The following PALMD variants were observed in gnomAD, a reference collection of about 807,000 sequenced individuals.
The protein encoded by PALMD is palmdelphin, also known as paralemmin-like protein.
Under a neutral mutation model 56.2 loss-of-function variants are expected in PALMD, and 42 were observed. The ratio of observed to expected loss-of-function variants is 0.75; its 90% confidence interval spans 0.58 to 0.97. The LOEUF (loss-of-function observed/expected upper bound fraction) is 0.97, where lower values mean the gene tolerates loss of function less well. PALMD is among the 50% of genes least tolerant of loss of function. The pLI, the probability that PALMD is intolerant of heterozygous loss-of-function variation, is 0.00. For missense variants in PALMD, 660 were observed against 643.8 expected (o/e 1.03, Z -0.27); for synonymous variants, 242 against 222.9 (o/e 1.09, Z -0.76).
At chr1:99,690,105 A>T in intron 7 of PALMD, 1 of 476,598 alleles carries the variant, frequency 2.1e-6, no homozygotes, top group East Asian at 3.2e-5. Flanking sequence ...GTATTGAGGA[A>T]CTTTAATAAC....
At chr1:99,652,689 GGAAAGGAAAAGAAAA>G (rs1472045135) in intron 1 of PALMD, among the ~76,000 whole-genome samples, 25 of 56,500 alleles carry the variant, frequency 4.4e-4, no homozygotes, top group Non-Finnish European at 7.2e-4. Context: ...GGAAAGGAAA[GGAAAGGAAAAGAAAA>G]GAAAAGAAAA....
chr1:99,688,118 C>T (rs4908004), intron 6 of PALMD, among the ~76,000 whole-genome samples: 31,729 of 151,876 alleles, frequency 0.21, 4,993 homozygotes, highest in African/African-American at 0.45. Context: ...TATTGCTGTA[C>T]TTTTTAGCCC....
At chr1:99,680,320 A>C (rs1333297571) in intron 3 of PALMD, among the ~76,000 whole-genome samples, 3 of 152,186 alleles carry the variant, frequency 2.0e-5, no homozygotes, top group Admixed American at 2.0e-4. Context: ...GCTTTTACCC[A>C]GGGAGCTCTT....
chr1:99,667,549 C>A, intron 2 of PALMD, 93 bp from the exon 3 acceptor site: 1 of 986,404 alleles, frequency 1.0e-6, no homozygotes, highest in Non-Finnish European at 1.6e-6. Flanking sequence ...TTTAACGTGT[C>A]ACCTATTGAA....
At position 99,694,362 on chromosome 1, in the gene PALMD, G is replaced by C. The variant is rs1488136419; in HGVS notation, c.*300G>C. ...AGAGCTTGTTAAATTTAAGAATAAAGTTATTTAAAATATTCTGAGTATAGT... is the reference window on the plus strand; with the variant it reads ...AGAGCTTGTTAAATTTAAGAATAAACTTATTTAAAATATTCTGAGTATAGT... On this transcript the variant is annotated 3_prime_UTR_variant, in exon 8 of 8. Transcript: ENST00000263174. 8.5e-6 allele frequency: 2 copies of C among 234,708 alleles called. No individual in the cohort carries two copies. Among genetic ancestry groups the C allele is most frequent in the Non-Finnish European group, 1.7e-5 (2 of 120,676 alleles). 14.5% of individuals were successfully genotyped at this position (234,708 alleles called of 1,614,324 possible).
chr1:99,693,565 T>C (rs1418692889), intron 7 of PALMD, among the ~76,000 whole-genome samples: 2 of 152,188 alleles, frequency 1.3e-5, no homozygotes, highest in Non-Finnish European at 2.9e-5. Context: ...TTATTGTATA[T>C]CCAAAGGCCA....
intron 1 of PALMD, among the ~76,000 whole-genome samples, chr1:99,648,224 AT>A (rs1340992991): frequency 6.6e-6 from 1 of 152,092 alleles, no homozygotes; most frequent in African/African-American, 2.4e-5. Flanking sequence ...ATGGGAACAA[AT>A]TTCTCATAAA....
At chr1:99,677,544 T>C (rs182418672) in intron 3 of PALMD, among the ~76,000 whole-genome samples, 17 of 152,266 alleles carry the variant, frequency 1.1e-4, no homozygotes, top group African/African-American at 4.1e-4. Context: ...GCCAGCTCAC[T>C]ACCTCATCTG....
chr1:99,683,019 G>GGAAAGAAAGAAA (rs1222231658), intron 3 of PALMD, among the ~76,000 whole-genome samples: 6 of 48,462 alleles, frequency 1.2e-4, no homozygotes, highest in East Asian at 1.0e-3. Context: ...AAAGAAAGAA[G>GGAAAGAAAGAAA]GAAAGAAAGA....
At position 99,694,025 on chromosome 1, in the gene PALMD, G is replaced by A; in HGVS notation, c.1619G>A (p.Arg540Lys). The change falls in exon 8 of 8, where the codon AGG (arginine) becomes AAG (lysine). Residue 540 changes from arginine (R) to lysine (K), a missense_variant. Arg to Lys is a conservative substitution (Grantham distance 26, BLOSUM62 2). Coordinates refer to ENST00000263174, the MANE Select transcript of PALMD (RefSeq NM_017734.5). ...TTTTTTCTTTAATTTGCAGCTTTAAGGATGAGAATGGCAAAGCTGGGAAAA... is the reference window on the plus strand; with the variant it reads ...TTTTTTCTTTAATTTGCAGCTTTAAAGATGAGAATGGCAAAGCTGGGAAAA... The part of the protein sequence containing the change: ...GTEDPSLTAL[R>K]MRMAKLGKKV... 5 of 1,600,372 alleles carry A rather than the reference G, an allele frequency of 3.1e-6. No homozygotes were observed. Among genetic ancestry groups the A allele is most frequent in the East Asian group, 2.2e-5 (1 of 44,626 alleles).
At chr1:99,671,581 T>G (rs1255947737) in intron 3 of PALMD, among the ~76,000 whole-genome samples, 1 of 152,228 alleles carries the variant, frequency 6.6e-6, no homozygotes, top group East Asian at 1.9e-4. Context: ...AGTTCTCTCC[T>G]TTCTTTATGC....
At chr1:99,687,019 A>G (rs1653517483) in intron 5 of PALMD, 56 bp downstream of exon 5, 2 of 1,509,798 alleles carry the variant, frequency 1.3e-6, no homozygotes, top group Non-Finnish European at 1.8e-6. Context: ...GTAATTTGAA[A>G]TTGTTCCCAT....
At chr1:99,665,099 AT>A (rs1430591146) in intron 2 of PALMD, among the ~76,000 whole-genome samples, 14 of 152,150 alleles carry the variant, frequency 9.2e-5, no homozygotes, top group Non-Finnish European at 1.8e-4. Context: ...GAAACACAAA[AT>A]ACAGTCAATC....
chr1:99,660,222 A>G (rs1652817376), intron 1 of PALMD, among the ~76,000 whole-genome samples: 1 of 152,220 alleles, frequency 6.6e-6, no homozygotes, highest in African/African-American at 2.4e-5. Flanking sequence ...GAGGGAGAAG[A>G]AAAAGGAAGA....
intron 1 of PALMD, among the ~76,000 whole-genome samples, chr1:99,652,482 T>A (rs1340856566): frequency 6.6e-6 from 1 of 151,928 alleles, no homozygotes; most frequent in East Asian, 1.9e-4. Flanking sequence ...TCTGCGCCTG[T>A]AATCCCAGCT....
At chr1:99,678,159 A>G (rs139929777) in intron 3 of PALMD, among the ~76,000 whole-genome samples, 4 of 148,444 alleles carry the variant, frequency 2.7e-5, no homozygotes, top group African/African-American at 5.0e-5. Flanking sequence ...CCCAGGCTGG[A>G]GTGCCGTGGC....
In PALMD at chr1:99,688,921, A is replaced by G. The variant is rs760595786; in HGVS notation, c.661A>G (p.Ser221Gly). ...TGGGCAAAAGTCAGTGTATGCAGTA[A>G]GTTCTAATCACAGTGCAGCATACAA... ...DDGQKSVYAV[S>G]SNHSAAYNGT... The change falls in exon 7 of 8, where the codon AGT becomes GGT. Residue 221 changes from serine to glycine, a missense_variant. Ser to Gly is a moderately conservative substitution (Grantham distance 56, BLOSUM62 0). Coordinates refer to ENST00000263174, the MANE Select transcript of PALMD (RefSeq NM_017734.5). The G allele has an allele frequency of 1.9e-6, 3 of 1,613,666 alleles. No individual in the cohort carries two copies. In the African/African-American group the frequency reaches 4.0e-5, roughly 22 times the overall value.
At chr1:99,693,412 T>C (rs1280075288) in intron 7 of PALMD, among the ~76,000 whole-genome samples, 2 of 152,362 alleles carry the variant, frequency 1.3e-5, no homozygotes, top group East Asian at 3.9e-4. Context: ...CTACATTCAA[T>C]ATATTATTAG....
intron 3 of PALMD, 155 bp from the exon 4 acceptor site, chr1:99,686,521 C>A (rs1653499485): frequency 1.9e-6 from 1 of 514,984 alleles, no homozygotes; most frequent in Admixed American, 3.8e-5. Flanking sequence ...AAGTATCATG[C>A]TTAGTGTGAT....
Sources: gnomAD v4.1 joint callset for allele counts (sites outside exome capture counted in the v4.1 genomes callset) on GRCh38, gnomAD v4.1.1 for gene constraint, MANE v1.5 for transcripts, NCBI Gene and HGNC (gene_info 2026-07-23, HGNC 2026-07-21) for gene names.